Variants in RPA1 observed in about 807,000 individuals in gnomAD.
RPA1 encodes the protein replication protein A1.
In RPA1, 49 loss-of-function variants were observed where a neutral mutation model predicts 83.0. The observed-to-expected ratio is 0.59, with a 90% CI of 0.47 to 0.75. The LOEUF (loss-of-function observed/expected upper bound fraction) is 0.75, where lower values mean the gene tolerates loss of function less well. Among genes scored for constraint, RPA1 ranks in the 30% least tolerant of loss-of-function variants. The pLI, the probability that RPA1 is intolerant of heterozygous loss-of-function variation, is 0.00. For missense variants in RPA1, 693 were observed against 776.1 expected, an observed-to-expected ratio of 0.89 and a Z score of 1.27; for synonymous variants, 279 against 281.8, an observed-to-expected ratio of 0.99 and a Z score of 0.10.
chr17:1,883,894 T>C lies in RPA1; in HGVS notation c.1324T>C (p.Trp442Arg). 2 of 1,614,138 alleles carry C rather than the reference T, an allele frequency of 1.2e-6. No homozygotes were observed. The highest frequency in any genetic ancestry group is 1.7e-6 in the Non-Finnish European group (2 of 1,180,020). ...SGGVGGSNTN[W>R]KTLYEVKSEN... ...CGGAGTCGGAGGGAGTAACACCAAC[T>C]GGAAAACCTTGTATGAGGTCAAATC... The change falls in exon 13 of 17, where the codon TGG becomes CGG. Residue 442 changes from tryptophan (W) to arginine (R), a missense_variant. Coordinates refer to ENST00000254719, the MANE Select transcript of RPA1 (RefSeq NM_002945.5).
intron 13 of RPA1, among the ~76,000 whole-genome samples, chr17:1,886,654 C>T (rs576699160): frequency 9.0e-4 from 137 of 151,872 alleles, no homozygotes; most frequent in Non-Finnish European, 1.8e-3. Context: ...CGGCTTATTT[C>T]CTTAAACCTC....
intron 4 of RPA1, among the ~76,000 whole-genome samples, chr17:1,845,162 T>TTGTGTGTGTGTGTGTG (rs71150822): frequency 4.8e-4 from 68 of 141,708 alleles, no homozygotes; most frequent in African/African-American, 1.7e-3. Context: ...TAATGCTGCT[T>TTGTGTGTGTGTGTGTG]TGTGTGTGTG....
chr17:1,849,244 CA>C (rs2151273551), intron 4 of RPA1, among the ~76,000 whole-genome samples: 1 of 151,016 alleles, frequency 6.6e-6, no homozygotes, highest in African/African-American at 2.4e-5. Context: ...AGTTTATAGA[CA>C]AGGTCTTTCT....
At chr17:1,877,885 TGGA>T (rs1913629068) in intron 8 of RPA1, among the ~76,000 whole-genome samples, 2 of 152,360 alleles carry the variant, frequency 1.3e-5, no homozygotes, top group East Asian at 3.9e-4. Flanking sequence ...TCCTATGCCA[TGGA>T]AGTACGACAG....
At chr17:1,883,232 C>T (rs541334194) in intron 12 of RPA1, among the ~76,000 whole-genome samples, 2 of 152,326 alleles carry the variant, frequency 1.3e-5, no homozygotes, top group East Asian at 3.9e-4. Flanking sequence ...TCTCGGCTCA[C>T]TGCAACCTCC....
intron 1 of RPA1, among the ~76,000 whole-genome samples, chr17:1,842,153 G>C (rs1413955523): frequency 6.6e-6 from 1 of 151,954 alleles, no homozygotes; most frequent in Non-Finnish European, 1.5e-5. Context: ...CTCTGCATGG[G>C]GTGGTCTTTG....
chr17:1,883,820 CAGA>C lies in RPA1; in HGVS notation c.1253_1255del (p.Glu418del). 1 of 1,614,038 alleles carries C rather than the reference CAGA, an allele frequency of 6.2e-7. No homozygotes were observed. The highest frequency in any genetic ancestry group is 8.5e-7 in the Non-Finnish European group (1 of 1,179,976). ...TTCGTTCACGTTTTCAGGTTTGACG[CAGA>C]AGGACAAGCCTTAGATGGTGTTTCC... On this transcript the variant is annotated inframe_deletion, in exon 13 of 17. Coordinates refer to ENST00000254719, the MANE Select transcript of RPA1 (RefSeq NM_002945.5).
At chr17:1,857,274 T>TC (rs1912736509) in intron 5 of RPA1, among the ~76,000 whole-genome samples, 1 of 151,134 alleles carries the variant, frequency 6.6e-6, no homozygotes, top group African/African-American at 2.4e-5. Context: ...TTTCTTTTTT[T>TC]TTTTTCAAAG....
chr17:1,886,983 C>G (rs948640385), intron 13 of RPA1, among the ~76,000 whole-genome samples: 1 of 152,126 alleles, frequency 6.6e-6, no homozygotes, highest in African/African-American at 2.4e-5. Flanking sequence ...CCTGACCTCT[C>G]TCAGCCTTCA....
chr17:1,887,431 T>A lies in RPA1; in HGVS notation c.1375-1244T>A, dbSNP rs960012987. Among the ~76,000 whole-genome samples, 3 of 151,940 alleles carry A rather than the reference T, an allele frequency of 2.0e-5. No homozygotes were observed. The South Asian group carries it at 6.3e-4, about 32-fold the overall frequency. On this transcript the variant is annotated intron_variant, in intron 13 of 16. Transcript: ENST00000254719. ...AAAATTAGCTGGGCGTAGTGGTGCATGCCTGTAGTCCCAGCTTCTCGGGAG... is the reference window on the plus strand; with the variant it reads ...AAAATTAGCTGGGCGTAGTGGTGCAAGCCTGTAGTCCCAGCTTCTCGGGAG...
At chr17:1,851,382 C>T (rs1202942395) in intron 4 of RPA1, among the ~76,000 whole-genome samples, 1 of 152,098 alleles carries the variant, frequency 6.6e-6, no homozygotes, top group Non-Finnish European at 1.5e-5. Flanking sequence ...GTAGGCTCTG[C>T]GTCTGCCTTT....
At chr17:1,894,036 T>G (rs1340572437) in intron 15 of RPA1, among the ~76,000 whole-genome samples, 1 of 151,064 alleles carries the variant, frequency 6.6e-6, no homozygotes, top group Admixed American at 6.6e-5. Flanking sequence ...TAAGTTTTTT[T>G]TTTTTTTTTT....
intron 1 of RPA1, among the ~76,000 whole-genome samples, chr17:1,831,008 C>T (rs1156247173): frequency 2.0e-5 from 3 of 152,084 alleles, no homozygotes; most frequent in Admixed American, 6.6e-5. Flanking sequence ...TCAAGTTATC[C>T]GCCCGCCTCG....
chr17:1,889,350 T>TA (rs397831075), intron 14 of RPA1, among the ~76,000 whole-genome samples: 2 of 151,586 alleles, frequency 1.3e-5, no homozygotes, highest in Non-Finnish European at 2.9e-5. Flanking sequence ...TTTTTTTTTT[T>TA]AAGAAACAGG....
At chr17:1,878,689 T>G (rs2151286649) in intron 8 of RPA1, among the ~76,000 whole-genome samples, 1 of 152,354 alleles carries the variant, frequency 6.6e-6, no homozygotes, top group Admixed American at 6.5e-5. Context: ...TCAGAATAAA[T>G]TAAACTCGTC....
chr17:1,854,948 G>C (rs188711052), intron 5 of RPA1, among the ~76,000 whole-genome samples: 4 of 152,272 alleles, frequency 2.6e-5, no homozygotes, highest in Non-Finnish European at 5.9e-5. Flanking sequence ...CCTGATCTCA[G>C]GGAGAAAGCG....
intron 3 of RPA1, 45 bp downstream of exon 3, chr17:1,844,043 G>T: frequency 6.5e-7 from 1 of 1,543,796 alleles, no homozygotes; most frequent in East Asian, 2.3e-5. Flanking sequence ...TATTTAAATA[G>T]TAGAAGCACA....
rs562078696 is a variant in RPA1 at position 1,856,157 on chromosome 17, C to T, written c.361+2968C>T. On this transcript the variant is annotated intron_variant, in intron 5 of 16. Coordinates refer to ENST00000254719, the MANE Select transcript of RPA1 (RefSeq NM_002945.5). ...TGCGCAACATGATAAAACCCAGTCTCTACCAAAAATACAAAAAATTAGCTG... is the reference window on the plus strand; with the variant it reads ...TGCGCAACATGATAAAACCCAGTCTTTACCAAAAATACAAAAAATTAGCTG... 4.6e-5 allele frequency among the ~76,000 whole-genome samples: 7 copies of T among 152,246 alleles called. No homozygotes were observed. The South Asian group carries it at 1.5e-3, about 32-fold the overall frequency.
chr17:1,876,276 C>G (rs959898158), intron 7 of RPA1, among the ~76,000 whole-genome samples: 2 of 152,234 alleles, frequency 1.3e-5, no homozygotes, highest in East Asian at 3.9e-4. Context: ...AATTTGAAGC[C>G]GGGCGCGGTG....
Sources: gnomAD v4.1 joint callset for allele counts (sites outside exome capture counted in the v4.1 genomes callset) on GRCh38, gnomAD v4.1.1 for gene constraint, MANE v1.5 for transcripts, NCBI Gene and HGNC (gene_info 2026-07-23, HGNC 2026-07-21) for gene names.